NODAL: variants seen among roughly 807,000 people sequenced by gnomAD.
NODAL encodes nodal growth differentiation factor, also known as nodal homolog.
Under a neutral mutation model 34.0 loss-of-function variants are expected in NODAL, and 12 were observed. That is an observed-to-expected ratio of 0.35 (90% CI 0.23 to 0.57). The LOEUF is 0.57. Among genes scored for constraint, NODAL ranks in the 20% least tolerant of loss-of-function variants. The pLI, the probability that NODAL is intolerant of heterozygous loss-of-function variation, is 0.83. For synonymous variants in NODAL, 162 were observed against 186.4 expected, an observed-to-expected ratio of 0.87 and a Z score of 1.07; for missense variants, 390 against 444.2, an observed-to-expected ratio of 0.88 and a Z score of 1.10.
rs58468830 is a variant in NODAL at position 70,432,050 on chromosome 10, C to T, written c.*886G>A. On this transcript the variant is annotated 3_prime_UTR_variant, in exon 3 of 3. Coordinates refer to ENST00000287139, the MANE Select transcript of NODAL (RefSeq NM_018055.5). ...ACAGTGAATTGCTCACCTGAGGTCG[C>T]ACAGCTTCCAGTGGCTGAGCTGTGA... 0.01 allele frequency among the ~76,000 whole-genome samples: 1,539 copies of T among 152,354 alleles called. 23 individuals carry two copies. The highest frequency in any genetic ancestry group is 0.035 in the African/African-American group (1,460 of 41,576).
chr10:70,435,665 T>C lies in NODAL; in HGVS notation c.512A>G (p.Lys171Arg). Residue 171 changes from lysine (K) to arginine (R), a missense_variant, in exon 2 of 3, where the codon AAG becomes AGG. Transcript: ENST00000287139. ...KWLKHPGALE[K>R]QMSRVAGECW... ...CTCTCCAGCTACCCTGGACATCTGCTTCTCCAGGGCCCCAGGGTGCTTCAG... is the reference window on the plus strand; with the variant it reads ...CTCTCCAGCTACCCTGGACATCTGCCTCTCCAGGGCCCCAGGGTGCTTCAG... 6.2e-7 allele frequency: 1 copy of C among 1,614,126 alleles called. No individual in the cohort carries two copies. The highest frequency in any genetic ancestry group is 1.1e-5 in the South Asian group (1 of 91,082).
chr10:70,435,142 T>C (rs534206435), intron 2 of NODAL, 144 bp downstream of exon 2: 1 of 736,872 alleles, frequency 1.4e-6, no homozygotes, highest in Admixed American at 2.2e-5. Context: ...TCTACATGCC[T>C]GGTACCTAGC....
intron 1 of NODAL, among the ~76,000 whole-genome samples, chr10:70,440,481 G>A (rs372420881): frequency 5.4e-4 from 82 of 152,268 alleles, no homozygotes; most frequent in African/African-American, 1.9e-3. Context: ...CACAAGGGGC[G>A]GGCAGGCGGC....
chr10:70,433,204 TAGC>T, intron 2 of NODAL, 116 bp from the exon 3 acceptor site: 2 of 1,122,054 alleles, frequency 1.8e-6, no homozygotes, highest in South Asian at 1.2e-5. Flanking sequence ...AGTGCAAAAA[TAGC>T]AGAAAATTAT....
chr10:70,436,860 G>A (rs1439430391), intron 1 of NODAL, among the ~76,000 whole-genome samples: 4 of 152,192 alleles, frequency 2.6e-5, no homozygotes, highest in African/African-American at 9.7e-5. Context: ...GAAAGTGGGA[G>A]TTGCCCCTTT....
chr10:70,437,181 G>A (rs527803840), intron 1 of NODAL, among the ~76,000 whole-genome samples: 2 of 152,316 alleles, frequency 1.3e-5, no homozygotes, highest in East Asian at 3.9e-4. Context: ...GGTGGCTCAC[G>A]CCTGTAATCC....
At chr10:70,441,717 G>T, upstream of NODAL, 1 of 1,527,516 alleles carries the variant, frequency 6.5e-7, no homozygotes. Flanking sequence ...TATATCCTGG[G>T]CCTCAGCAGC....
At chr10:70,444,058 G>A (rs879851034), upstream of NODAL, among the ~76,000 whole-genome samples, 3 of 149,662 alleles carry the variant, frequency 2.0e-5, no homozygotes, top group African/African-American at 4.9e-5. Flanking sequence ...TCAGCCTCCC[G>A]AGTAGGTGGG....
intron 1 of NODAL, among the ~76,000 whole-genome samples, chr10:70,447,663 G>GAAA (rs55741632): frequency 6.9e-6 from 1 of 144,468 alleles, no homozygotes; most frequent in Non-Finnish European, 1.5e-5. Flanking sequence ...CCTGTCTCAG[G>GAAA]AAAAAAAAAA....
rs1410825241 is a variant in NODAL, at chr10:70,435,800, T to G, written c.377A>C (p.Asp126Ala). 4 of 1,614,134 alleles carry G rather than the reference T, an allele frequency of 2.5e-6. No homozygotes were observed. Among genetic ancestry groups the G allele is most frequent in the Non-Finnish European group, 3.4e-6 (4 of 1,180,038 alleles). The change falls in exon 2 of 3, where the codon GAC (aspartate) becomes GCC (alanine). Residue 126 changes from aspartate (D) to alanine (A), a missense_variant. Physicochemically the swap from Asp to Ala is moderately radical, Grantham distance 126 (BLOSUM62 -2). Coordinates refer to ENST00000287139, the MANE Select transcript of NODAL (RefSeq NM_018055.5). ...CATCTGAAACCGCTCTAAGCAGCTGTCTGAAGCCTGCTCTGTGTCGGGCTT... is the reference window on the plus strand; with the variant it reads ...CATCTGAAACCGCTCTAAGCAGCTGGCTGAAGCCTGCTCTGTGTCGGGCTT... ...QPKPDTEQAS[D>A]SCLERFQMDL...
rs1277709491 is a variant in NODAL, at chr10:70,432,011, C to G, written c.*925G>C. Among the ~76,000 whole-genome samples the G allele has an allele frequency of 1.3e-5, 2 of 152,228 alleles. No homozygotes were observed. Among genetic ancestry groups the G allele is most frequent in the African/African-American group, 4.8e-5 (2 of 41,462 alleles). ...TTAGGATTCACCAGCGTTCCTTTTA[C>G]AAGTGGAGACTGGACAGTGAATTGC... On this transcript the variant is annotated 3_prime_UTR_variant, in exon 3 of 3. Transcript: ENST00000287139.
rs938031026 is a variant in NODAL at position 70,432,502 on chromosome 10, G to T, written c.*434C>A. 2 of 274,936 alleles carry T rather than the reference G, an allele frequency of 7.3e-6. No homozygotes were observed. Among genetic ancestry groups the T allele is most frequent in the Admixed American group, 4.8e-5 (1 of 20,916 alleles). 17.0% of individuals were successfully genotyped at this position (274,936 alleles called of 1,614,324 possible). ...AGTGATCCTTAATCTTTGGGGAGGG[G>T]GACAGGTCACACACAGACTACTTTG... On this transcript the variant is annotated 3_prime_UTR_variant, in exon 3 of 3. Transcript: ENST00000287139.
At chr10:70,441,758 G>T, upstream of NODAL, 1 of 1,362,578 alleles carries the variant, frequency 7.3e-7, no homozygotes. Flanking sequence ...TCCCTCTGGG[G>T]AAGCTTTAAG....
chr10:70,444,742 C>A (rs911657048), upstream of NODAL, among the ~76,000 whole-genome samples: 1 of 152,194 alleles, frequency 6.6e-6, no homozygotes, highest in Non-Finnish European at 1.5e-5. Context: ...CTAGAGATTA[C>A]TCCTCCCATG....
upstream of NODAL, among the ~76,000 whole-genome samples, chr10:70,442,449 AC>A (rs2132221285): frequency 6.6e-6 from 1 of 152,252 alleles, no homozygotes; most frequent in Admixed American, 6.5e-5. Context: ...GCCACAGAAG[AC>A]CTGGGTGTCG....
At chr10:70,439,148 G>T (rs1021077082) in intron 1 of NODAL, among the ~76,000 whole-genome samples, 1 of 152,172 alleles carries the variant, frequency 6.6e-6, no homozygotes, top group Non-Finnish European at 1.5e-5. Flanking sequence ...GGGACTACAG[G>T]TGCGCGCCAC....
intron 2 of NODAL, 56 bp from the exon 3 acceptor site, chr10:70,433,144 G>A (rs765999234): frequency 6.3e-7 from 1 of 1,595,356 alleles, no homozygotes; most frequent in Non-Finnish European, 8.6e-7. Context: ...GGTCAGAATA[G>A]TATTTCTGGG....
At chr10:70,439,749 A>G (rs1845404914) in intron 1 of NODAL, among the ~76,000 whole-genome samples, 1 of 152,194 alleles carries the variant, frequency 6.6e-6, no homozygotes, top group African/African-American at 2.4e-5. Flanking sequence ...GCCAATTCAC[A>G]ACGTAACTGT....
rs1845272448 is a variant in NODAL, at chr10:70,432,230, A to G, written c.*706T>C. On this transcript the variant is annotated 3_prime_UTR_variant, in exon 3 of 3. Coordinates refer to ENST00000287139, the MANE Select transcript of NODAL (RefSeq NM_018055.5). ...TGTGTCTGCCGAAGCAGACTGACGC[A>G]GGGATGTCTTCTGTAACCCAACATG... 6.5e-6 allele frequency: 1 copy of G among 153,834 alleles called. No individual in the cohort carries two copies. Among genetic ancestry groups the G allele is most frequent in the African/African-American group, 2.4e-5 (1 of 41,474 alleles). 9.5% of individuals were successfully genotyped at this position (153,834 alleles called of 1,614,324 possible). A position where few individuals can be genotyped will look rare whatever the true frequency, so the allele number is the denominator to read the frequency against.
Sources: allele counts gnomAD v4.1 joint callset (sites outside exome capture counted in the v4.1 genomes callset), GRCh38; gene constraint gnomAD v4.1.1; transcripts MANE v1.5; gene names NCBI Gene and HGNC (gene_info 2026-07-23, HGNC 2026-07-21).